KANK4: variants seen among roughly 807,000 people sequenced by gnomAD.
KANK4 encodes KN motif and ankyrin repeat domains 4.
In KANK4, 50 loss-of-function variants were observed where a neutral mutation model predicts 80.8. That is an observed-to-expected ratio of 0.62 (90% confidence interval 0.49 to 0.78). KANK4 has a LOEUF of 0.78. Among genes scored for constraint, KANK4 ranks in the 30% least tolerant of loss-of-function variants. KANK4 has a pLI of 0.00. For missense variants in KANK4, 1,196 were observed against 1,240.1 expected (o/e 0.96, Z 0.53); for synonymous variants, 465 against 506.9 (o/e 0.92, Z 1.11).
chr1:62,268,241 C>A, intron 5 of KANK4, 46 bp downstream of exon 5: 2 of 1,489,984 alleles, frequency 1.3e-6, no homozygotes, highest in Admixed American at 1.7e-5. Context: ...ATGCCCTTGA[C>A]CTTTTTCAGA....
intron 1 of KANK4, among the ~76,000 whole-genome samples, chr1:62,294,953 T>C (rs12082238): frequency 0.29 from 43,627 of 152,134 alleles, 6,682 homozygotes; most frequent in Middle Eastern, 0.4. Context: ...AGGAAGGTTA[T>C]ATATTGTTGT....
At chr1:62,287,810 C>T (rs1269979314) in intron 1 of KANK4, among the ~76,000 whole-genome samples, 2 of 152,100 alleles carry the variant, frequency 1.3e-5, no homozygotes, top group Admixed American at 1.3e-4. Context: ...TGGTGGTAGG[C>T]AAGTCTATGG....
chr1:62,243,591 G>A (rs1001251750), intron 9 of KANK4, among the ~76,000 whole-genome samples: 6 of 152,014 alleles, frequency 3.9e-5, no homozygotes, highest in African/African-American at 9.7e-5. Context: ...CACCCGCCTC[G>A]GCCTCCCAAA....
chr1:62,254,144 C>T (rs1671693387), intron 7 of KANK4, among the ~76,000 whole-genome samples: 1 of 152,100 alleles, frequency 6.6e-6, no homozygotes, highest in Non-Finnish European at 1.5e-5. Flanking sequence ...TAAGAACAAC[C>T]ATCTCACTTG....
chr1:62,302,889 C>G (rs1486077215), intron 1 of KANK4, among the ~76,000 whole-genome samples: 1 of 152,158 alleles, frequency 6.6e-6, no homozygotes, highest in African/African-American at 2.4e-5. Context: ...GCCAAAAGCT[C>G]TGGCTTAAGA....
chr1:62,250,740 T>C (rs1671595864), intron 8 of KANK4, among the ~76,000 whole-genome samples: 1 of 152,020 alleles, frequency 6.6e-6, no homozygotes, highest in Non-Finnish European at 1.5e-5. Flanking sequence ...ATGGGAAACA[T>C]TAGTTAAAAT....
At chr1:62,262,463 A>C (rs1000387759) in intron 7 of KANK4, among the ~76,000 whole-genome samples, 1 of 152,340 alleles carries the variant, frequency 6.6e-6, no homozygotes, top group South Asian at 2.1e-4. Context: ...TCATTCCATC[A>C]AAAAGACACC....
Position 62,291,700 on chromosome 1 carries a change from C to T in KANK4, c.-70-10066G>A, listed in dbSNP as rs772803408. Among the ~76,000 whole-genome samples, 19 of 152,238 alleles carry T rather than the reference C, an allele frequency of 1.2e-4. No homozygotes were observed. In the South Asian group the frequency reaches 1.7e-3, roughly 13 times the overall value. On this transcript the variant is annotated intron_variant, in intron 1 of 9. Transcript: ENST00000371153. ...TCAGCTCAATGCAACCTCCACCTCC[C>T]GGGATCAAGTGATTCTCCTGCCTTA...
intron 9 of KANK4, among the ~76,000 whole-genome samples, chr1:62,246,764 ATTT>A (rs573139827): frequency 7.1e-6 from 1 of 140,742 alleles, no homozygotes; most frequent in African/African-American, 2.6e-5. Flanking sequence ...TACCTGGTTA[ATTT>A]TTTTTTTTTT....
intron 1 of KANK4, among the ~76,000 whole-genome samples, chr1:62,317,615 C>T (rs1336126817): frequency 6.6e-6 from 1 of 152,246 alleles, no homozygotes; most frequent in Non-Finnish European, 1.5e-5. Context: ...CTCTGCTACT[C>T]ACCTTAGGCC....
chr1:62,262,460 A>G (rs967717922), intron 7 of KANK4, among the ~76,000 whole-genome samples: 1 of 152,226 alleles, frequency 6.6e-6, no homozygotes, highest in African/African-American at 2.4e-5. Flanking sequence ...AAGTCATTCC[A>G]TCAAAAAGAC....
Position 62,281,600 on chromosome 1 carries a change from T to C in KANK4, c.-36A>G, listed in dbSNP as rs1672452794. 1 of 1,613,678 alleles carries C rather than the reference T, an allele frequency of 6.2e-7. No individual in the cohort carries two copies. Among genetic ancestry groups the C allele is most frequent in the East Asian group, 2.2e-5 (1 of 44,886 alleles). ...CTGACCCTCAGTGTCTCAGGCACTC[T>C]TCATCCAATGAGTCTGTAAAACTTG... On this transcript the variant is annotated 5_prime_UTR_variant, in exon 2 of 10. Coordinates refer to ENST00000371153, the MANE Select transcript of KANK4 (RefSeq NM_181712.5).
Position 62,268,293 on chromosome 1 carries a change from G to C in KANK4, c.2225C>G (p.Ala742Gly), listed in dbSNP as rs554667383. 1 of 1,613,400 alleles carries C rather than the reference G, an allele frequency of 6.2e-7. No homozygotes were observed. Among genetic ancestry groups the C allele is most frequent in the East Asian group, 2.2e-5 (1 of 44,876 alleles). ...GPGEEVPHSK[A>G]ERYKPSEEFL... Reference sequence around the variant, plus strand: ...TTTGTGTCCATTTGCTCACCTCTCGGCCTTGGAGTGGGGGACTTCTTCCCC... The same window carrying C: ...TTTGTGTCCATTTGCTCACCTCTCGCCCTTGGAGTGGGGGACTTCTTCCCC... The change falls in exon 5 of 10, where the codon GCC becomes GGC. Residue 742 changes from alanine to glycine, a missense_variant. Physicochemically the swap from Ala to Gly is moderately conservative, Grantham distance 60. Coordinates refer to ENST00000371153, the MANE Select transcript of KANK4 (RefSeq NM_181712.5).
chr1:62,304,174 C>T (rs1227263490), intron 1 of KANK4, among the ~76,000 whole-genome samples: 4 of 152,064 alleles, frequency 2.6e-5, no homozygotes, highest in African/African-American at 7.2e-5. Context: ...CATGCCCGGA[C>T]CTTCAGATTC....
chr1:62,310,488 C>T (rs995749884), intron 1 of KANK4, among the ~76,000 whole-genome samples: 5 of 152,028 alleles, frequency 3.3e-5, no homozygotes, highest in African/African-American at 1.2e-4. Context: ...GGCTGGGGTG[C>T]CAAGAATGGG....
intron 1 of KANK4, among the ~76,000 whole-genome samples, chr1:62,306,813 CATA>C (rs1387751822): frequency 2.6e-5 from 4 of 152,144 alleles, no homozygotes; most frequent in Non-Finnish European, 5.9e-5. Flanking sequence ...TATAATATAA[CATA>C]ATAATAATTT....
chr1:62,310,907 G>A (rs1365419358), intron 1 of KANK4, among the ~76,000 whole-genome samples: 2 of 152,174 alleles, frequency 1.3e-5, no homozygotes, highest in Non-Finnish European at 2.9e-5. Flanking sequence ...GGTTCAGCAT[G>A]GTCATGGCCA....
intron 9 of KANK4, 87 bp downstream of exon 9, chr1:62,247,376 GTGATCCTCC>G: frequency 9.4e-7 from 1 of 1,060,900 alleles, no homozygotes; most frequent in South Asian, 1.3e-5. Flanking sequence ...CTGGGCTCAA[GTGATCCTCC>G]CGCCTCAGCC....
chr1:62,294,820 A>G (rs1047556444), intron 1 of KANK4, among the ~76,000 whole-genome samples: 5 of 152,260 alleles, frequency 3.3e-5, no homozygotes. Flanking sequence ...GAGGAAGGGC[A>G]GGTATCATCA....
Sources: gnomAD v4.1 joint callset for allele counts (sites outside exome capture counted in the v4.1 genomes callset) on GRCh38, gnomAD v4.1.1 for gene constraint, MANE v1.5 for transcripts, NCBI Gene and HGNC (gene_info 2026-07-23, HGNC 2026-07-21) for gene names.